CDK14: variants seen among roughly 807,000 people sequenced by gnomAD.
CDK14 encodes the protein cyclin dependent kinase 14, also known as cyclin-dependent kinase 14.
A neutral mutation model predicts 60.7 loss-of-function variants in CDK14; 34 were observed. The observed-to-expected ratio is 0.56, with a 90% confidence interval of 0.43 to 0.75. CDK14 has a LOEUF of 0.75. CDK14 is among the 30% of genes least tolerant of loss of function. CDK14 has a pLI of 0.00. For missense variants in CDK14, 482 were observed against 564.1 expected, an observed-to-expected ratio of 0.85 and a Z score of 1.47; for synonymous variants, 197 against 203.7, an observed-to-expected ratio of 0.97 and a Z score of 0.28.
At chr7:90,864,810 A>G (rs1263717618) in intron 6 of CDK14, among the ~76,000 whole-genome samples, 1 of 152,170 alleles carries the variant, frequency 6.6e-6, no homozygotes, top group Non-Finnish European at 1.5e-5. Context: ...AAACATAATC[A>G]CTTTTCTTTG....
rs1036262440 is a variant in CDK14, at chr7:91,207,553, C to T, written c.*417C>T. 1.3e-5 allele frequency: 2 copies of T among 152,652 alleles called. No homozygotes were observed. Among genetic ancestry groups the T allele is most frequent in the African/African-American group, 4.8e-5 (2 of 41,444 alleles). 9.5% of individuals were successfully genotyped at this position (152,652 alleles called of 1,614,324 possible). On this transcript the variant is annotated 3_prime_UTR_variant, in exon 15 of 15. Transcript: ENST00000380050. ...TCACACTTCTTCAGTAATGTCTGAA[C>T]TTGAAAGCCACAGAGTGGCATAAAA... is the stretch of plus-strand genomic sequence containing the variant.
chr7:90,773,168 A>G (rs892845365), intron 4 of CDK14, among the ~76,000 whole-genome samples: 4 of 152,218 alleles, frequency 2.6e-5, no homozygotes, highest in Non-Finnish European at 5.9e-5. Context: ...TCTTGAAAGA[A>G]AAAACAGTTA....
chr7:91,034,706 A>G (rs1178901782), intron 10 of CDK14, among the ~76,000 whole-genome samples: 2 of 152,174 alleles, frequency 1.3e-5, no homozygotes, highest in Non-Finnish European at 2.9e-5. Flanking sequence ...ACTTCTCTAC[A>G]GAACCTCACT....
chr7:91,146,262 G>A (rs1462797053), intron 14 of CDK14, among the ~76,000 whole-genome samples: 4 of 152,134 alleles, frequency 2.6e-5, no homozygotes, highest in South Asian at 2.1e-4. Context: ...GTGCAATAGC[G>A]CAATATTGGC....
chr7:91,199,910 C>T (rs1185551070), intron 14 of CDK14, among the ~76,000 whole-genome samples: 1 of 152,136 alleles, frequency 6.6e-6, no homozygotes, highest in Admixed American at 6.6e-5. Flanking sequence ...TTGCTGGTCT[C>T]AAAGATGTGT....
intron 6 of CDK14, among the ~76,000 whole-genome samples, chr7:90,898,342 A>G (rs567657981): frequency 1.9e-4 from 29 of 152,246 alleles, no homozygotes; most frequent in African/African-American, 6.5e-4. Context: ...ATCCTCAGCA[A>G]TTATAACCTA....
intron 14 of CDK14, among the ~76,000 whole-genome samples, chr7:91,128,733 C>T: frequency 6.6e-6 from 1 of 152,146 alleles, no homozygotes; most frequent in East Asian, 1.9e-4. Context: ...CCTGGCCCTG[C>T]AGACTGCAGG....
intron 12 of CDK14, among the ~76,000 whole-genome samples, chr7:91,105,011 G>GA (rs1304015598): frequency 6.6e-6 from 1 of 151,994 alleles, no homozygotes; most frequent in Non-Finnish European, 1.5e-5. Context: ...TGCCTATAGG[G>GA]AAAAAAATAT....
chr7:90,956,821 G>A (rs1010209442), intron 9 of CDK14, among the ~76,000 whole-genome samples: 1 of 142,590 alleles, frequency 7.0e-6, no homozygotes, highest in African/African-American at 2.6e-5. Flanking sequence ...GCATCCATGT[G>A]TTCTCATTGT....
At chr7:90,759,395 A>G (rs1453532619) in intron 4 of CDK14, among the ~76,000 whole-genome samples, 1 of 152,170 alleles carries the variant, frequency 6.6e-6, no homozygotes, top group Non-Finnish European at 1.5e-5. Flanking sequence ...CACTTTGATT[A>G]TTGTGGTAGT....
intron 2 of CDK14, among the ~76,000 whole-genome samples, chr7:90,656,552 T>G (rs1987864): frequency 0.31 from 46,384 of 151,826 alleles, 7,992 homozygotes; most frequent in East Asian, 0.67. Flanking sequence ...GCTAATTTTT[T>G]TATTTTTAGT....
intron 12 of CDK14, among the ~76,000 whole-genome samples, chr7:91,104,939 T>G (rs1189728870): frequency 3.3e-5 from 5 of 152,114 alleles, no homozygotes; most frequent in Non-Finnish European, 4.4e-5. Flanking sequence ...GAGAAAGACT[T>G]AAAAATTATA....
At chr7:90,976,016 C>T (rs1795062196) in intron 9 of CDK14, among the ~76,000 whole-genome samples, 2 of 152,114 alleles carry the variant, frequency 1.3e-5, no homozygotes, top group Admixed American at 1.3e-4. Context: ...GCAAATGTCT[C>T]TTCAATATAC....
intron 8 of CDK14, among the ~76,000 whole-genome samples, chr7:90,927,758 C>G (rs953746181): frequency 7.9e-5 from 12 of 152,084 alleles, no homozygotes; most frequent in African/African-American, 2.7e-4. Flanking sequence ...CAATGTTGGC[C>G]TGCCTTGCTA....
chr7:90,948,112 T>C (rs1479528987), intron 8 of CDK14, among the ~76,000 whole-genome samples: 1 of 152,236 alleles, frequency 6.6e-6, no homozygotes, highest in Non-Finnish European at 1.5e-5. Flanking sequence ...GATGAATTAA[T>C]GGGTTTTAAC....
At chr7:90,884,877 G>C (rs1791889902) in intron 6 of CDK14, among the ~76,000 whole-genome samples, 1 of 152,158 alleles carries the variant, frequency 6.6e-6, no homozygotes. Flanking sequence ...AAACTGGCTA[G>C]CCATATGTGG....
intron 5 of CDK14, among the ~76,000 whole-genome samples, chr7:90,848,788 C>G (rs993267856): frequency 3.3e-5 from 5 of 152,148 alleles, no homozygotes; most frequent in African/African-American, 1.2e-4. Context: ...ATGAAAGAAA[C>G]AAATGTCCCA....
intron 2 of CDK14, among the ~76,000 whole-genome samples, chr7:90,721,811 TGA>T (rs570651895): frequency 1.3e-4 from 20 of 152,306 alleles, no homozygotes; most frequent in African/African-American, 4.8e-4. Context: ...CTTCTGTCTC[TGA>T]GTTTTTTTAA....
At chr7:90,610,568 T>C (rs972697635) in intron 2 of CDK14, among the ~76,000 whole-genome samples, 2 of 152,230 alleles carry the variant, frequency 1.3e-5, no homozygotes, top group Non-Finnish European at 2.9e-5. Context: ...GAATTTTTAT[T>C]GTCTCACAGT....
Sources: allele counts gnomAD v4.1 joint callset (sites outside exome capture counted in the v4.1 genomes callset), GRCh38; gene constraint gnomAD v4.1.1; transcripts MANE v1.5; gene names NCBI Gene and HGNC (gene_info 2026-07-23, HGNC 2026-07-21).